The following JAML variants were observed in gnomAD, a reference collection of about 807,000 sequenced individuals.
The protein encoded by JAML is junction adhesion molecule like, also known as junctional adhesion molecule-like.
Under a neutral mutation model 39.3 loss-of-function variants are expected in JAML, and 25 were observed. The ratio of observed to expected loss-of-function variants is 0.64; its 90% CI spans 0.46 to 0.89. The LOEUF (loss-of-function observed/expected upper bound fraction) is 0.89, where lower values mean the gene tolerates loss of function less well. JAML is among the 40% of genes least tolerant of loss of function. The probability of loss-of-function intolerance (pLI) is 0.00; values close to 1 mark genes in which losing one functional copy is unlikely to be tolerated. For missense variants in JAML, 440 were observed against 486.9 expected, an observed-to-expected ratio of 0.90 and a Z score of 0.91; for synonymous variants, 162 against 179.2, an observed-to-expected ratio of 0.90 and a Z score of 0.77.
intron 8 of JAML, chr11:118,197,159 C>T (rs1591456673): frequency 3.8e-6 from 1 of 261,978 alleles, no homozygotes; most frequent in East Asian, 1.1e-4. Context: ...GGCAGAATGG[C>T]ATTAATCAGC....
intron 7 of JAML, among the ~76,000 whole-genome samples, chr11:118,199,897 C>T (rs1004510201): frequency 6.6e-5 from 10 of 151,832 alleles, no homozygotes; most frequent in South Asian, 2.1e-4. Context: ...AGCTTTTCAC[C>T]GTGTTAGCAA....
chr11:118,212,666 C>G, intron 2 of JAML, 105 bp from the exon 3 acceptor site: 2 of 1,518,284 alleles, frequency 1.3e-6, no homozygotes, highest in Non-Finnish European at 1.8e-6. Context: ...CCTGGATGAT[C>G]CAACATAGAC....
Position 118,194,373 on chromosome 11 carries a change from A to C in JAML, c.1137T>G (p.Leu379=). ...GCATTCCCCCACCTGACTTTTTTTC[A>C]AGTGAGTTGTTCCGATCTGACCTCA... ...PSLRSDRNNS[L]EKKSGGGMPK... The change falls in exon 10 of 10, where the codon CTT becomes CTG. Residue 379 remains leucine, a synonymous_variant. Transcript: ENST00000356289. 1 of 1,613,138 alleles carries C rather than the reference A, an allele frequency of 6.2e-7. No individual in the cohort carries two copies.
chr11:118,214,774 G>A lies in JAML; in HGVS notation c.43+50C>T, dbSNP rs768090919. 5 of 1,580,500 alleles carry A rather than the reference G, an allele frequency of 3.2e-6. No individual in the cohort carries two copies. The South Asian group carries it at 4.4e-5, about 14-fold the overall frequency. ...TAAAATTGGCTTTTAATAATGCACA[G>A]AACTCAGGAGAAATCAAATACCCCA... is the stretch of plus-strand genomic sequence containing the variant. On this transcript the variant is annotated intron_variant, in intron 2 of 9. Coordinates refer to ENST00000356289, the MANE Select transcript of JAML (RefSeq NM_001098526.2).
At chr11:118,196,326 C>T (rs1948654445) in intron 9 of JAML, among the ~76,000 whole-genome samples, 1 of 151,994 alleles carries the variant, frequency 6.6e-6, no homozygotes, top group Non-Finnish European at 1.5e-5. Flanking sequence ...GGGAGTTTTG[C>T]CACATTGGCC....
At chr11:118,199,756 G>A (rs905668964) in intron 7 of JAML, among the ~76,000 whole-genome samples, 4 of 149,230 alleles carry the variant, frequency 2.7e-5, no homozygotes, top group Non-Finnish European at 3.0e-5. Context: ...GAGTGCAGTG[G>A]CGTGATCTCG....
chr11:118,195,190 G>A (rs926287385), intron 9 of JAML, among the ~76,000 whole-genome samples: 2 of 152,214 alleles, frequency 1.3e-5, no homozygotes, highest in South Asian at 2.1e-4. Context: ...GAGCCAGGAT[G>A]AGGCCTCGCA....
chr11:118,210,413 A>G, intron 4 of JAML, 74 bp downstream of exon 4: 2 of 1,451,828 alleles, frequency 1.4e-6, no homozygotes, highest in Non-Finnish European at 1.9e-6. Flanking sequence ...TTTACTCAAG[A>G]TAATCAGTTT....
At chr11:118,223,569 G>A (rs1392512252) in intron 1 of JAML, among the ~76,000 whole-genome samples, 2 of 152,084 alleles carry the variant, frequency 1.3e-5, no homozygotes, top group African/African-American at 4.8e-5. Flanking sequence ...GAGGAGAGAG[G>A]AAATAGATTC....
At chr11:118,219,231 C>T (rs1949182513) in intron 1 of JAML, among the ~76,000 whole-genome samples, 1 of 152,180 alleles carries the variant, frequency 6.6e-6, no homozygotes, top group Non-Finnish European at 1.5e-5. Flanking sequence ...GTTATCATCT[C>T]ATACCAGTTA....
At position 118,222,729 on chromosome 11, in the gene JAML, AAT is replaced by A. The variant is rs1359703434; in HGVS notation, c.-21+2210_-21+2211del. On this transcript the variant is annotated intron_variant, in intron 1 of 9. Transcript: ENST00000356289. This position sits in a 1 kb window ranked among gnomAD's most constrained non-coding sequence, Gnocchi z 4.2. ...GTGGGAGGTTATAAGAAGGCGTGTGAATATGGTTTCTGTTAAAGAGAACGTAA... is the reference window on the plus strand; with the variant it reads ...GTGGGAGGTTATAAGAAGGCGTGTGAATGGTTTCTGTTAAAGAGAACGTAA... Among the ~76,000 whole-genome samples the A allele has an allele frequency of 6.6e-6, 1 of 152,200 alleles. No homozygotes were observed. Among genetic ancestry groups the A allele is most frequent in the Non-Finnish European group, 1.5e-5 (1 of 68,040 alleles).
chr11:118,198,223 A>C (rs1948701166), intron 7 of JAML, 132 bp from the exon 8 acceptor site: 2 of 718,772 alleles, frequency 2.8e-6, no homozygotes, highest in Non-Finnish European at 4.7e-6. Context: ...GGACTCCTAC[A>C]GCCAGGGCTA....
chr11:118,199,446 C>T (rs983673179), intron 7 of JAML, among the ~76,000 whole-genome samples: 1 of 152,120 alleles, frequency 6.6e-6, no homozygotes, highest in East Asian at 1.9e-4. Flanking sequence ...GATCCAAGAC[C>T]CACTGGGAAA....
intron 1 of JAML, among the ~76,000 whole-genome samples, chr11:118,221,780 A>ATTC (rs1949212643): frequency 6.6e-6 from 1 of 152,086 alleles, no homozygotes; most frequent in Non-Finnish European, 1.5e-5. Context: ...TCATTTATTG[A>ATTC]TTCTTTTCCC....
At position 118,210,631 on chromosome 11, in the gene JAML, T is replaced by C. The variant is rs1424778225; in HGVS notation, c.280A>G (p.Ile94Val). 1 of 1,614,202 alleles carries C rather than the reference T, an allele frequency of 6.2e-7. No individual in the cohort carries two copies. ...AGGAGAGAGCCATCATTGCATAAGA[T>C]GTCCCCCATCAAGTGTACGCGGTTC... ...FQNRVHLMGDILCNDGSLLLQ... is the reference protein window; with the variant it reads ...FQNRVHLMGDVLCNDGSLLLQ... Residue 94 changes from isoleucine to valine, a missense_variant, in exon 4 of 10, where the codon ATC becomes GTC. By Grantham distance (29) the Ile-to-Val change is conservative. Coordinates refer to ENST00000356289, the MANE Select transcript of JAML (RefSeq NM_001098526.2).
intron 6 of JAML, 25 bp from the exon 7 acceptor site, chr11:118,200,637 G>A (rs200638856): frequency 9.0e-4 from 1,453 of 1,613,886 alleles, no homozygotes; most frequent in Admixed American, 1.6e-3. Flanking sequence ...AAAGCAAGGA[G>A]AGGGTCTCAA....
intron 5 of JAML, chr11:118,204,090 CTCCAGATACTCAGGCTAAAAA>C (rs912958989): frequency 7.8e-5 from 15 of 192,172 alleles, no homozygotes; most frequent in African/African-American, 3.5e-4. Context: ...CAATGCTTTC[CTCCAGATACTCAGGCTAAAAA>C]TCCTGGAGTC....
chr11:118,214,884 A>C lies in JAML; in HGVS notation c.-18T>G, dbSNP rs746273163. The C allele has an allele frequency of 6.2e-7, 1 of 1,613,612 alleles. No individual in the cohort carries two copies. Among genetic ancestry groups the C allele is most frequent in the African/African-American group, 1.3e-5 (1 of 74,894 alleles). ...CAAAACATGCTGCTCTCAACTTTCA[A>C]ATCTTAAGATAAAAGAACAAAAATC... On this transcript the variant is annotated splice_region_variant and 5_prime_UTR_variant, in exon 2 of 10. It adds an upstream start codon to the 5' untranslated region. Transcript: ENST00000356289.
chr11:118,220,616 C>G (rs570803567), intron 1 of JAML, among the ~76,000 whole-genome samples: 1 of 151,524 alleles, frequency 6.6e-6, no homozygotes, highest in Non-Finnish European at 1.5e-5. Context: ...TCTTTTATAA[C>G]CAAGAGCAGA....
Sources: allele counts gnomAD v4.1 joint callset (sites outside exome capture counted in the v4.1 genomes callset), GRCh38; gene constraint gnomAD v4.1.1; non-coding constraint Gnocchi (gnomAD v3.1); transcripts MANE v1.5; gene names NCBI Gene and HGNC (gene_info 2026-07-23, HGNC 2026-07-21).